SEPTIN9: variants seen among roughly 807,000 people sequenced by gnomAD.
SEPTIN9 encodes the protein septin-9.
Under a neutral mutation model 56.6 loss-of-function variants are expected in SEPTIN9, and 13 were observed. That is an observed-to-expected ratio of 0.23 (90% CI 0.15 to 0.37). The LOEUF is 0.37. Ranked by LOEUF, SEPTIN9 falls within the 10% of genes least tolerant of loss-of-function variation. The probability of loss-of-function intolerance (pLI) is 1.00; values close to 1 mark genes in which losing one functional copy is unlikely to be tolerated. For missense variants in SEPTIN9, 650 were observed against 823.1 expected, an observed-to-expected ratio of 0.79 and a Z score of 2.57; for synonymous variants, 332 against 334.1, an observed-to-expected ratio of 0.99 and a Z score of 0.07.
At chr17:77,416,225 G>T (rs890161632) in intron 3 of SEPTIN9, among the ~76,000 whole-genome samples, 8 of 152,330 alleles carry the variant, frequency 5.3e-5, no homozygotes, top group Non-Finnish European at 8.8e-5. Flanking sequence ...CCCAGCTGGA[G>T]AGGGTCAAGG....
At chr17:77,422,057 T>G (rs2036725683) in intron 3 of SEPTIN9, among the ~76,000 whole-genome samples, 1 of 152,110 alleles carries the variant, frequency 6.6e-6, no homozygotes, top group South Asian at 2.1e-4. Flanking sequence ...GGAGTCTTAC[T>G]ATATTTCCCA....
chr17:77,382,305 AG>A (rs1015012589), intron 2 of SEPTIN9, among the ~76,000 whole-genome samples: 1 of 152,242 alleles, frequency 6.6e-6, no homozygotes, highest in African/African-American at 2.4e-5. Flanking sequence ...CTGGGATTAC[AG>A]GTGTGAGCCA....
chr17:77,438,604 A>G (rs1366757520), intron 3 of SEPTIN9, among the ~76,000 whole-genome samples: 1 of 152,186 alleles, frequency 6.6e-6, no homozygotes, highest in Non-Finnish European at 1.5e-5. Flanking sequence ...TGGAAGGAGG[A>G]AGGAGGCCAC....
chr17:77,314,697 G>A lies in SEPTIN9; in HGVS notation c.76+7500G>A, dbSNP rs116095486. Among the ~76,000 whole-genome samples, 582 of 152,334 alleles carry A rather than the reference G, an allele frequency of 3.8e-3. 6 individuals are homozygous for A. The highest frequency in any genetic ancestry group is 0.013 in the African/African-American group (535 of 41,564). Reference sequence around the variant, plus strand: ...CCCCAGTGTGTACTCCTGGAGCAAGGTGGGGCCGATCCTACGAAGACCCTT... The same window carrying A: ...CCCCAGTGTGTACTCCTGGAGCAAGATGGGGCCGATCCTACGAAGACCCTT... On this transcript the variant is annotated intron_variant, in intron 2 of 11. Transcript: ENST00000427177.
At chr17:77,287,977 G>A in intron 1 of SEPTIN9, 10 of 1,056,090 alleles carry the variant, frequency 9.5e-6, no homozygotes, top group Non-Finnish European at 1.1e-5. Flanking sequence ...TTGGCCCGGG[G>A]CCTTCAGTGG....
At chr17:77,316,218 A>G (rs1434109521) in intron 2 of SEPTIN9, among the ~76,000 whole-genome samples, 4 of 152,110 alleles carry the variant, frequency 2.6e-5, no homozygotes, top group African/African-American at 7.2e-5. Context: ...GTGCCCCCTT[A>G]GTGCTTACAC....
chr17:77,464,504 A>T lies in SEPTIN9; in HGVS notation c.722-17640A>T, dbSNP rs76004052. ...ACTTTCTAAAAGGTAAAAGGGTTAA[A>T]TATTAAACTCATCCAAAAACACCTT... is the stretch of plus-strand genomic sequence containing the variant. On this transcript the variant is annotated intron_variant, in intron 3 of 11. Coordinates refer to ENST00000427177, the MANE Select transcript of SEPTIN9 (RefSeq NM_001113491.2). Among the ~76,000 whole-genome samples, 1,502 of 152,330 alleles carry T rather than the reference A, an allele frequency of 9.9e-3. 20 individuals carry two copies. The highest frequency in any genetic ancestry group is 0.032 in the South Asian group (153 of 4,828).
chr17:77,302,713 T>C (rs1364545100), intron 1 of SEPTIN9, among the ~76,000 whole-genome samples: 1 of 152,020 alleles, frequency 6.6e-6, no homozygotes, highest in Non-Finnish European at 1.5e-5. Context: ...GCCTCTGGGC[T>C]CCTAGATACA....
rs2034633547 is a variant in SEPTIN9 at position 77,368,456 on chromosome 17, C to T, written c.77-33603C>T. ...CCTCCCAGAGAGCTGGGATTATAGG[C>T]GTTTGCCACCACGCCCGGCTGATTT... On this transcript the variant is annotated intron_variant, in intron 2 of 11. Transcript: ENST00000427177. Among the ~76,000 whole-genome samples, 6 of 152,128 alleles carry T rather than the reference C, an allele frequency of 3.9e-5. No homozygotes were observed. In the South Asian group the frequency reaches 1.0e-3, roughly 26 times the overall value.
At chr17:77,424,142 C>T (rs989874692) in intron 3 of SEPTIN9, among the ~76,000 whole-genome samples, 15 of 152,252 alleles carry the variant, frequency 9.9e-5, no homozygotes, top group African/African-American at 3.1e-4. Context: ...GCGCTGGGCT[C>T]GAAGCTTTAT....
At chr17:77,360,013 T>C (rs549167728) in intron 2 of SEPTIN9, among the ~76,000 whole-genome samples, 1 of 151,832 alleles carries the variant, frequency 6.6e-6, no homozygotes, top group South Asian at 2.1e-4. Context: ...CAAAATTAGC[T>C]GGGCATGGTG....
rs985412393 is a variant in SEPTIN9, at chr17:77,318,337, C to A, written c.76+11140C>A. Among the ~76,000 whole-genome samples, 1 of 152,052 alleles carries A rather than the reference C, an allele frequency of 6.6e-6. No individual in the cohort carries two copies. The highest frequency in any genetic ancestry group is 2.1e-4 in the South Asian group (1 of 4,816). On this transcript the variant is annotated intron_variant, in intron 2 of 11. Transcript: ENST00000427177. This position sits in a 1 kb window ranked among gnomAD's most constrained non-coding sequence, Gnocchi z 4.9. Reference sequence around the variant, plus strand: ...CCTGTCTGTGTCAAATCTCCCTCTGCCCCCGTCTTGTATGAGCACCGAGAC... The same window carrying A: ...CCTGTCTGTGTCAAATCTCCCTCTGACCCCGTCTTGTATGAGCACCGAGAC...
Position 77,475,635 on chromosome 17 carries a change from A to G in SEPTIN9, c.722-6509A>G, listed in dbSNP as rs1395824766. The G allele has an allele frequency of 7.4e-6, 12 of 1,613,784 alleles. No individual in the cohort carries two copies. Among genetic ancestry groups the G allele is most frequent in the South Asian group, 6.6e-5 (6 of 91,082 alleles). ...AGGGAGGGCAGCTGGAGGCTGCTCCAGTGTGCATTGTTACGAGGCAAAGTA... is the reference window on the plus strand; with the variant it reads ...AGGGAGGGCAGCTGGAGGCTGCTCCGGTGTGCATTGTTACGAGGCAAAGTA... On this transcript the variant is annotated intron_variant, in intron 3 of 11. Coordinates refer to ENST00000427177, the MANE Select transcript of SEPTIN9 (RefSeq NM_001113491.2). This position sits in a 1 kb window ranked among gnomAD's most constrained non-coding sequence, Gnocchi z 4.6.
chr17:77,466,116 T>A (rs546700586), intron 3 of SEPTIN9, among the ~76,000 whole-genome samples: 1 of 144,096 alleles, frequency 6.9e-6, no homozygotes, highest in East Asian at 2.1e-4. Context: ...ACGAGTAAAC[T>A]GTAACACAAA....
intron 2 of SEPTIN9, among the ~76,000 whole-genome samples, chr17:77,401,795 G>A (rs892596634): frequency 1.3e-5 from 2 of 152,100 alleles, no homozygotes; most frequent in African/African-American, 4.8e-5. Flanking sequence ...GGAGGGGGAG[G>A]CTGTGTGGTT....
In SEPTIN9 at chr17:77,313,370, C is replaced by A. The variant is rs1204196236; in HGVS notation, c.76+6173C>A. 6.6e-6 allele frequency among the ~76,000 whole-genome samples: 1 copy of A among 152,244 alleles called. No homozygotes were observed. The highest frequency in any genetic ancestry group is 6.5e-5 in the Admixed American group (1 of 15,288). ...CCTTCCACGCTGACCTGGAAGGACT[C>A]CTAAAGCAACAGGCCTGCCCAGGCG... On this transcript the variant is annotated intron_variant, in intron 2 of 11. Coordinates refer to ENST00000427177, the MANE Select transcript of SEPTIN9 (RefSeq NM_001113491.2). This position sits in a 1 kb window ranked among gnomAD's most constrained non-coding sequence, Gnocchi z 4.5.
At chr17:77,470,614 C>T (rs1429247686) in intron 3 of SEPTIN9, 1 of 152,238 alleles carries the variant, frequency 6.6e-6, no homozygotes, top group African/African-American at 2.4e-5. Context: ...ATTCATCCGC[C>T]AACCCATCCA....
At chr17:77,320,303 C>T in intron 2 of SEPTIN9, 1 of 1,612,560 alleles carries the variant, frequency 6.2e-7, no homozygotes, top group Non-Finnish European at 8.5e-7. Flanking sequence ...GGGACTCCCG[C>T]CGCTGCTAAA....
chr17:77,397,202 G>T (rs889421765), intron 2 of SEPTIN9: 2 of 154,330 alleles, frequency 1.3e-5, no homozygotes, highest in Admixed American at 6.5e-5. Context: ...GTATTGGCAG[G>T]ACCACACTCC....
Sources: allele counts gnomAD v4.1 joint callset (sites outside exome capture counted in the v4.1 genomes callset), GRCh38; gene constraint gnomAD v4.1.1; non-coding constraint Gnocchi (gnomAD v3.1); transcripts MANE v1.5; gene names NCBI Gene and HGNC (gene_info 2026-07-23, HGNC 2026-07-21).